Variants in SP6 observed in about 807,000 individuals in gnomAD.
SP6 encodes transcription factor Sp6.
SP6 carries 10 observed loss-of-function variants against 23.4 expected under a neutral mutation model. The observed-to-expected ratio is 0.43, with a 90% CI of 0.26 to 0.72. SP6 has a LOEUF of 0.72. Among genes scored for constraint, SP6 ranks in the 30% least tolerant of loss-of-function variants. The pLI is 0.23. For missense variants in SP6, 482 were observed against 523.8 expected (o/e 0.92, Z 0.78); for synonymous variants, 238 against 238.7 (o/e 1.00, Z 0.03).
upstream of SP6, among the ~76,000 whole-genome samples, chr17:47,856,552 TATTTATATGAGCCTA>T (rs530638112): frequency 2.6e-5 from 4 of 152,304 alleles, no homozygotes; most frequent in East Asian, 7.7e-4. Context: ...CCCAGATCTC[TATTTATATGAGCCTA>T]ATTTTAGGGT....
At chr17:47,856,843 G>A (rs2034001712), upstream of SP6, among the ~76,000 whole-genome samples, 1 of 151,884 alleles carries the variant, frequency 6.6e-6, no homozygotes, top group Admixed American at 6.6e-5. Flanking sequence ...AGTACCCCAA[G>A]ACTTACATGC....
the SP6 span, among the ~76,000 whole-genome samples, chr17:47,862,642 T>A: frequency 1.3e-5 from 2 of 152,110 alleles, no homozygotes; most frequent in Admixed American, 6.5e-5. Context: ...GCAGTGAAGC[T>A]AGGGGATTCT....
At chr17:47,868,533 G>A in the SP6 span, among the ~76,000 whole-genome samples, 1 of 152,154 alleles carries the variant, frequency 6.6e-6, no homozygotes, top group African/African-American at 2.4e-5. Flanking sequence ...CAGAGCCAAA[G>A]TGCTCCTGAC....
At chr17:47,851,410 AC>A (rs1318154129), upstream of SP6, among the ~76,000 whole-genome samples, 4 of 151,296 alleles carry the variant, frequency 2.6e-5, no homozygotes. Context: ...AGGTTCTAAG[AC>A]CCGCCCCGCC....
the SP6 span, chr17:47,864,348 T>C: frequency 6.6e-6 from 1 of 152,134 alleles, no homozygotes; most frequent in Non-Finnish European, 1.5e-5. Context: ...TGCAGAAGCC[T>C]CTAACTCCTG....
At chr17:47,869,546 A>G in the SP6 span, among the ~76,000 whole-genome samples, 4 of 152,216 alleles carry the variant, frequency 2.6e-5, no homozygotes, top group African/African-American at 9.6e-5. Context: ...CTCCTATTGC[A>G]GTTGGGTTCA....
At chr17:47,862,214 G>A in the SP6 span, among the ~76,000 whole-genome samples, 2 of 151,944 alleles carry the variant, frequency 1.3e-5, no homozygotes, top group Admixed American at 1.3e-4. Context: ...TCTGGTGGCG[G>A]GTGCCTATAA....
Position 47,848,238 on chromosome 17 carries a change from C to T in SP6, c.192G>A (p.Ser64=), listed in dbSNP as rs1421886900. 1 of 1,611,890 alleles carries T rather than the reference C, an allele frequency of 6.2e-7. No homozygotes were observed. The highest frequency in any genetic ancestry group is 1.1e-5 in the South Asian group (1 of 91,032). Residue 64 remains serine, a synonymous_variant, in exon 2 of 2, where the codon TCG becomes TCA. Transcript: ENST00000536300. The surrounding 1 kb of genome is among the most constrained non-coding windows in gnomAD (Gnocchi z 5.3). ...SLPLGPEVDF[S]QGYELPGASS... ...AGGCCCCTGGCAGCTCATAGCCCTG[C>T]GAGAAGTCCACCTCCGGGCCCAGCG...
intron 1 of SP6, among the ~76,000 whole-genome samples, chr17:47,849,972 A>C (rs1370734257): frequency 6.6e-6 from 1 of 152,060 alleles, no homozygotes; most frequent in Non-Finnish European, 1.5e-5. Flanking sequence ...GGGAGGTGGC[A>C]CTGATAGCCT....
upstream of SP6, among the ~76,000 whole-genome samples, chr17:47,855,164 A>C (rs760121665): frequency 6.6e-6 from 1 of 152,192 alleles, no homozygotes; most frequent in Non-Finnish European, 1.5e-5. Flanking sequence ...AGATGAACCC[A>C]CCTGAGGATA....
At chr17:47,854,867 C>T (rs1567962984), upstream of SP6, among the ~76,000 whole-genome samples, 3 of 152,120 alleles carry the variant, frequency 2.0e-5, no homozygotes, top group Non-Finnish European at 2.9e-5. Context: ...CACTCCTCTC[C>T]TCCATTTCCC....
the SP6 span, among the ~76,000 whole-genome samples, chr17:47,875,144 T>G: frequency 6.6e-6 from 1 of 152,154 alleles, no homozygotes; most frequent in Non-Finnish European, 1.5e-5. Context: ...TCTCCCAGCT[T>G]CTTACCACCC....
At chr17:47,862,507 C>CAAAA in the SP6 span, among the ~76,000 whole-genome samples, 7 of 86,080 alleles carry the variant, frequency 8.1e-5, 1 homozygote, top group African/African-American at 3.4e-4. Flanking sequence ...GACTTTGTCT[C>CAAAA]AAAAAAAAAA....
At chr17:47,851,998 T>A (rs1361002196), upstream of SP6, among the ~76,000 whole-genome samples, 1 of 151,892 alleles carries the variant, frequency 6.6e-6, no homozygotes, top group African/African-American at 2.4e-5. Context: ...CTCGCCCTCC[T>A]GTCCTTCGGG....
At chr17:47,861,206 G>A in the SP6 span, among the ~76,000 whole-genome samples, 4 of 152,212 alleles carry the variant, frequency 2.6e-5, no homozygotes, top group African/African-American at 7.2e-5. Context: ...AGGTGCTGGC[G>A]AGCCTGGTGT....
rs2033889463 is a variant in SP6 at position 47,846,756 on chromosome 17, G to A, written c.*543C>T. The A allele has an allele frequency of 6.6e-6, 1 of 152,626 alleles. No homozygotes were observed. The highest frequency in any genetic ancestry group is 1.9e-4 in the East Asian group (1 of 5,192). The allele number at this position is 152,626 out of a possible 1,614,324, so 9.5% of individuals were successfully genotyped here. On this transcript the variant is annotated 3_prime_UTR_variant, in exon 2 of 2. Transcript: ENST00000536300. ...AACCAGAAAGAGACACCCCTGCCAA[G>A]GGGGACCCCCAGGCTCCCCCATCCC...
At chr17:47,868,266 G>C in the SP6 span, among the ~76,000 whole-genome samples, 1 of 152,208 alleles carries the variant, frequency 6.6e-6, no homozygotes, top group Non-Finnish European at 1.5e-5. Flanking sequence ...TGTGTGCAGT[G>C]AGCAAATACT....
upstream of SP6, among the ~76,000 whole-genome samples, chr17:47,859,195 G>T (rs1484056052): frequency 1.3e-5 from 2 of 152,084 alleles, no homozygotes; most frequent in African/African-American, 2.4e-5. Context: ...CTTCTCTCCC[G>T]CTGGTCCTCA....
At chr17:47,856,800 G>A (rs1003480168), upstream of SP6, among the ~76,000 whole-genome samples, 1 of 151,890 alleles carries the variant, frequency 6.6e-6, no homozygotes, top group Non-Finnish European at 1.5e-5. Context: ...GAGGACAGGA[G>A]CAGTTGTACC....
Sources: allele counts gnomAD v4.1 joint callset (sites outside exome capture counted in the v4.1 genomes callset), GRCh38; gene constraint gnomAD v4.1.1; non-coding constraint Gnocchi (gnomAD v3.1); transcripts MANE v1.5; gene names NCBI Gene and HGNC (gene_info 2026-07-23, HGNC 2026-07-21).